The following ERC2 variants were observed in gnomAD, a reference collection of about 807,000 sequenced individuals.
ERC2 encodes the protein ELKS/RAB6-interacting/CAST family member 2, also known as ERC protein 2.
ERC2 carries 42 observed loss-of-function variants against 114.8 expected under a neutral mutation model. That is an observed-to-expected ratio of 0.37 (90% CI 0.29 to 0.47). The LOEUF is 0.47. Ranked by LOEUF, ERC2 falls within the 20% of genes least tolerant of loss-of-function variation. ERC2 has a pLI of 0.99. For synonymous variants in ERC2, 454 were observed against 425.5 expected, an observed-to-expected ratio of 1.07 and a Z score of -0.82; for missense variants, 939 against 1,150.7, an observed-to-expected ratio of 0.82 and a Z score of 2.66.
intron 7 of ERC2, among the ~76,000 whole-genome samples, chr3:56,054,336 G>C (rs2075907258): frequency 6.6e-6 from 1 of 152,156 alleles, no homozygotes; most frequent in South Asian, 2.1e-4. Context: ...TTTAGTTCAA[G>C]GGTTTCAAAG....
chr3:55,542,002 T>C (rs929007952), intron 17 of ERC2, among the ~76,000 whole-genome samples: 2 of 152,230 alleles, frequency 1.3e-5, no homozygotes, highest in African/African-American at 2.4e-5. Flanking sequence ...CAATGACATA[T>C]AGCATCTTTA....
intron 6 of ERC2, among the ~76,000 whole-genome samples, chr3:56,095,573 A>C (rs567970709): frequency 3.5e-4 from 54 of 152,340 alleles, no homozygotes; most frequent in Non-Finnish European, 7.5e-4. Context: ...AAAAGAGTTT[A>C]TTAAATGCCT....
chr3:55,770,594 C>T (rs2068120485), intron 14 of ERC2, among the ~76,000 whole-genome samples: 1 of 152,132 alleles, frequency 6.6e-6, no homozygotes, highest in Non-Finnish European at 1.5e-5. Context: ...TTTATCATCA[C>T]TGTTAAACTG....
At chr3:56,421,776 T>C (rs2061399716) in intron 2 of ERC2, among the ~76,000 whole-genome samples, 2 of 152,138 alleles carry the variant, frequency 1.3e-5, no homozygotes, top group Admixed American at 1.3e-4. Flanking sequence ...CTGGCTGCCC[T>C]ACTTACCCTT....
Position 55,881,027 on chromosome 3 carries a change from T to C in ERC2, c.2564+7362A>G, listed in dbSNP as rs539234168. Among the ~76,000 whole-genome samples the C allele has an allele frequency of 4.9e-4, 75 of 152,300 alleles. 1 individual carries two copies. Among genetic ancestry groups the C allele is most frequent in the Admixed American group, 9.1e-4 (14 of 15,302 alleles). On this transcript the variant is annotated intron_variant, in intron 14 of 17. Coordinates refer to ENST00000288221, the MANE Select transcript of ERC2 (RefSeq NM_015576.3). Reference sequence around the variant, plus strand: ...TGAGTTTATCAATTTTAAGTAACAATTGGCTTCAAAACTCTTCTCCCAAAC... The same window carrying C: ...TGAGTTTATCAATTTTAAGTAACAACTGGCTTCAAAACTCTTCTCCCAAAC...
chr3:55,537,378 A>C (rs1365384540), intron 17 of ERC2, among the ~76,000 whole-genome samples: 2 of 152,216 alleles, frequency 1.3e-5, no homozygotes, highest in Non-Finnish European at 2.9e-5. Context: ...TCAAAGGGTG[A>C]GATACCAGGC....
intron 2 of ERC2, among the ~76,000 whole-genome samples, chr3:56,348,094 C>T (rs963441999): frequency 1.3e-5 from 2 of 152,128 alleles, no homozygotes; most frequent in African/African-American, 4.8e-5. Context: ...GTTCCCAGGC[C>T]AGACACCTAA....
At chr3:55,837,049 A>T (rs1227672098) in intron 14 of ERC2, among the ~76,000 whole-genome samples, 1 of 152,220 alleles carries the variant, frequency 6.6e-6, no homozygotes. Context: ...TCAAAACCAC[A>T]ATGAGATACC....
intron 3 of ERC2, among the ~76,000 whole-genome samples, chr3:56,251,004 A>T (rs1443065762): frequency 1.3e-5 from 2 of 152,266 alleles, no homozygotes; most frequent in Non-Finnish European, 2.9e-5. Flanking sequence ...TTAAGAGACC[A>T]CTTAACACAG....
At chr3:55,750,082 C>T (rs938507890) in intron 14 of ERC2, among the ~76,000 whole-genome samples, 46 of 152,158 alleles carry the variant, frequency 3.0e-4, no homozygotes, top group African/African-American at 1.1e-3. Flanking sequence ...AGAGAATTTA[C>T]TATGGACAGA....
chr3:55,897,663 C>T lies in ERC2; in HGVS notation c.2404-9114G>A, dbSNP rs191597459. Among the ~76,000 whole-genome samples, 24 of 152,288 alleles carry T rather than the reference C, an allele frequency of 1.6e-4. No homozygotes were observed. The East Asian group carries it at 3.9e-3, about 25-fold the overall frequency. On this transcript the variant is annotated intron_variant, in intron 13 of 17. Transcript: ENST00000288221. ...GGTGAAGATAAACGCTTAAACCCCC[C>T]GTCAGCAGCAGCAACTCCTCCGACA...
chr3:56,460,573 G>A (rs996847104), intron 1 of ERC2, among the ~76,000 whole-genome samples: 1 of 152,182 alleles, frequency 6.6e-6, no homozygotes, highest in African/African-American at 2.4e-5. Context: ...CTAGCACAGT[G>A]CCTACCACAT....
At chr3:56,293,654 A>G (rs2055236980) in intron 3 of ERC2, among the ~76,000 whole-genome samples, 1 of 152,202 alleles carries the variant, frequency 6.6e-6, no homozygotes, top group Admixed American at 6.5e-5. Context: ...ATGAGCTAAA[A>G]TAAGGGCTAC....
At chr3:55,648,861 A>G (rs1312227648) in intron 17 of ERC2, among the ~76,000 whole-genome samples, 1 of 147,100 alleles carries the variant, frequency 6.8e-6, no homozygotes. Context: ...GCTCCCTCAG[A>G]AGACAGCTTT....
chr3:56,223,934 T>G (rs2050088789), intron 3 of ERC2, among the ~76,000 whole-genome samples: 1 of 152,192 alleles, frequency 6.6e-6, no homozygotes, highest in Non-Finnish European at 1.5e-5. Context: ...TAACTTCAAG[T>G]GAATAATATG....
rs1422521168 is a variant in ERC2, at chr3:55,977,418, CT to C, written c.2267+8558del. Reference sequence around the variant, plus strand: ...TCATTTTCCTAATATATAAAAAGCTCTTACAAATATATAAGAAAAAGACCAA... The same window carrying C: ...TCATTTTCCTAATATATAAAAAGCTCTACAAATATATAAGAAAAAGACCAA... On this transcript the variant is annotated intron_variant, in intron 12 of 17. Transcript: ENST00000288221. Among the ~76,000 whole-genome samples the C allele has an allele frequency of 3.3e-5, 5 of 151,954 alleles. No individual in the cohort carries two copies. In the East Asian group the frequency reaches 9.7e-4, roughly 29 times the overall value.
intron 17 of ERC2, among the ~76,000 whole-genome samples, chr3:55,610,064 C>CAAAAAAAAAAAAAAAAAAA (rs36088271): frequency 1.7e-5 from 2 of 118,716 alleles, no homozygotes; most frequent in African/African-American, 2.8e-5. Context: ...CAAACACAAA[C>CAAAAAAAAAAAAAAAAAAA]AAAAAAAAAA....
At chr3:56,454,970 T>G (rs973197432) in intron 1 of ERC2, among the ~76,000 whole-genome samples, 2 of 152,062 alleles carry the variant, frequency 1.3e-5, no homozygotes, top group Non-Finnish European at 2.9e-5. Context: ...AAATATTGTC[T>G]GATATCATTT....
At chr3:55,638,604 G>A (rs2060049957) in intron 17 of ERC2, among the ~76,000 whole-genome samples, 1 of 152,184 alleles carries the variant, frequency 6.6e-6, no homozygotes, top group African/African-American at 2.4e-5. Flanking sequence ...GTTAGAGTCT[G>A]TAGTCTTTCT....
Sources: gnomAD v4.1 joint callset for allele counts (sites outside exome capture counted in the v4.1 genomes callset) on GRCh38, gnomAD v4.1.1 for gene constraint, MANE v1.5 for transcripts, NCBI Gene and HGNC (gene_info 2026-07-23, HGNC 2026-07-21) for gene names.